The following CSMD1 variants were observed in gnomAD, a reference collection of about 807,000 sequenced individuals.
The protein encoded by CSMD1 is CUB and sushi domain-containing protein 1.
Under a neutral mutation model 417.5 loss-of-function variants are expected in CSMD1, and 213 were observed. The ratio of observed to expected loss-of-function variants is 0.51; its 90% CI spans 0.46 to 0.57. The LOEUF (loss-of-function observed/expected upper bound fraction) is 0.57. Ranked by LOEUF, CSMD1 falls within the 20% of genes least tolerant of loss-of-function variation. The pLI is 0.00. For missense variants in CSMD1, 6,923 were observed against 4,529.7 expected, an observed-to-expected ratio of 1.53 and a Z score of -15.17; for synonymous variants, 2,862 against 1,736.8, an observed-to-expected ratio of 1.65 and a Z score of -16.11.
At chr8:4,733,956 G>C (rs888047764) in intron 1 of CSMD1, among the ~76,000 whole-genome samples, 1 of 152,200 alleles carries the variant, frequency 6.6e-6, no homozygotes, top group Non-Finnish European at 1.5e-5. Flanking sequence ...GCTGTATGAA[G>C]TTAGAATTAT....
chr8:4,557,018 A>AT (rs1166203449), intron 2 of CSMD1, among the ~76,000 whole-genome samples: 6 of 152,164 alleles, frequency 3.9e-5, no homozygotes, highest in Non-Finnish European at 5.9e-5. Context: ...ATTAAGCAAC[A>AT]TTTTTCAAGT....
chr8:3,041,015 T>A (rs1332991261), intron 50 of CSMD1, among the ~76,000 whole-genome samples: 1 of 152,148 alleles, frequency 6.6e-6, no homozygotes, highest in African/African-American at 2.4e-5. Flanking sequence ...TTGCAAAGCA[T>A]TTTTCTTCAT....
intron 12 of CSMD1, among the ~76,000 whole-genome samples, chr8:3,459,119 T>A (rs1816334959): frequency 1.3e-5 from 2 of 152,210 alleles, no homozygotes; most frequent in Admixed American, 6.5e-5. Context: ...CACAGCATGC[T>A]ACACTGTGCT....
chr8:4,762,649 T>G (rs547953717), intron 1 of CSMD1, among the ~76,000 whole-genome samples: 1 of 152,226 alleles, frequency 6.6e-6, no homozygotes, highest in Admixed American at 6.5e-5. Context: ...CGTCTCCACC[T>G]CTGCTGTAGC....
At chr8:3,076,426 T>C (rs1316835412) in intron 49 of CSMD1, among the ~76,000 whole-genome samples, 2 of 152,202 alleles carry the variant, frequency 1.3e-5, no homozygotes, top group African/African-American at 4.8e-5. Flanking sequence ...CATTCTAAGG[T>C]ACTGGCAGTT....
chr8:3,962,931 C>G (rs1357105324), intron 5 of CSMD1, among the ~76,000 whole-genome samples: 1 of 152,080 alleles, frequency 6.6e-6, no homozygotes, highest in African/African-American at 2.4e-5. Context: ...ACTTTTCACT[C>G]AGTTTTTGTT....
At chr8:4,702,504 G>C (rs1264814762) in intron 1 of CSMD1, among the ~76,000 whole-genome samples, 1 of 151,670 alleles carries the variant, frequency 6.6e-6, no homozygotes, top group Admixed American at 6.6e-5. Flanking sequence ...TTAATAACAG[G>C]GAAAATAAAA....
At chr8:3,360,606 T>A in intron 20 of CSMD1, among the ~76,000 whole-genome samples, 1 of 152,202 alleles carries the variant, frequency 6.6e-6, no homozygotes, top group East Asian at 1.9e-4. Flanking sequence ...TCAGAGAGAA[T>A]CTTGAAAGGC....
At chr8:4,667,417 C>T (rs935859706) in intron 1 of CSMD1, among the ~76,000 whole-genome samples, 4 of 150,850 alleles carry the variant, frequency 2.7e-5, no homozygotes, top group Non-Finnish European at 4.4e-5. Context: ...ATTTGGATTG[C>T]ATTGAATCCA....
intron 1 of CSMD1, among the ~76,000 whole-genome samples, chr8:4,977,841 G>A (rs1012689682): frequency 4.6e-5 from 7 of 152,200 alleles, no homozygotes; most frequent in African/African-American, 1.2e-4. Flanking sequence ...TGGCCTGATA[G>A]GAATTGACTA....
At chr8:4,740,346 T>C (rs1810524031) in intron 1 of CSMD1, among the ~76,000 whole-genome samples, 1 of 152,174 alleles carries the variant, frequency 6.6e-6, no homozygotes, top group African/African-American at 2.4e-5. Flanking sequence ...GAAAAAGCCA[T>C]TTAAATCCAA....
chr8:4,729,597 A>T (rs1174574743), intron 1 of CSMD1, among the ~76,000 whole-genome samples: 2 of 152,192 alleles, frequency 1.3e-5, no homozygotes, highest in African/African-American at 2.4e-5. Flanking sequence ...ATAAAAAAAC[A>T]AAAGACGTTA....
intron 1 of CSMD1, among the ~76,000 whole-genome samples, chr8:4,664,709 A>G (rs1003171310): frequency 2.0e-5 from 3 of 152,190 alleles, no homozygotes; most frequent in African/African-American, 4.8e-5. Flanking sequence ...AATAAAAGCA[A>G]AATTTTATTT....
At position 4,761,814 on chromosome 8, in the gene CSMD1, A is replaced by G. The variant is rs376042148; in HGVS notation, c.86-124256T>C. On this transcript the variant is annotated intron_variant, in intron 1 of 69. Coordinates refer to ENST00000635120, the MANE Select transcript of CSMD1 (RefSeq NM_033225.6). Reference sequence around the variant, plus strand: ...ATTGTGAATAAACCTGGTAGTAAATAAAATAGCAAAATAGTACCATGCATC... The same window carrying G: ...ATTGTGAATAAACCTGGTAGTAAATGAAATAGCAAAATAGTACCATGCATC... Among the ~76,000 whole-genome samples the G allele has an allele frequency of 7.9e-5, 12 of 151,972 alleles. No individual in the cohort carries two copies. The East Asian group carries it at 1.9e-3, about 25-fold the overall frequency.
intron 5 of CSMD1, among the ~76,000 whole-genome samples, chr8:3,925,787 A>G (rs1809616599): frequency 6.6e-6 from 1 of 151,994 alleles, no homozygotes; most frequent in Admixed American, 6.6e-5. Context: ...TTTTATTCCC[A>G]GTTTTGGGTA....
chr8:4,074,800 T>C (rs2068941020), intron 3 of CSMD1, among the ~76,000 whole-genome samples: 1 of 152,134 alleles, frequency 6.6e-6, no homozygotes, highest in African/African-American at 2.4e-5. Context: ...ATGACTGTGG[T>C]ACATAATCAT....
chr8:4,075,927 T>A (rs1232277573), intron 3 of CSMD1, among the ~76,000 whole-genome samples: 1 of 152,146 alleles, frequency 6.6e-6, no homozygotes, highest in Non-Finnish European at 1.5e-5. Context: ...ACTTTATATA[T>A]ACTAAGAAAA....
At chr8:4,106,297 G>T (rs940109520) in intron 3 of CSMD1, among the ~76,000 whole-genome samples, 1 of 152,158 alleles carries the variant, frequency 6.6e-6, no homozygotes, top group Non-Finnish European at 1.5e-5. Context: ...GGGAAAATAC[G>T]TTAGAGCTTA....
chr8:3,219,145 A>C, intron 29 of CSMD1, 110 bp downstream of exon 29: 1 of 820,466 alleles, frequency 1.2e-6, no homozygotes, highest in South Asian at 1.7e-5. Flanking sequence ...GGAGACACAT[A>C]TCAGCATTTA....
Sources: gnomAD v4.1 joint callset for allele counts (sites outside exome capture counted in the v4.1 genomes callset) on GRCh38, gnomAD v4.1.1 for gene constraint, MANE v1.5 for transcripts, NCBI Gene and HGNC (gene_info 2026-07-23, HGNC 2026-07-21) for gene names.